Variants in CDYL2 observed in about 807,000 individuals in gnomAD.
The protein encoded by CDYL2 is chromodomain Y-like protein 2.
Under a neutral mutation model 49.4 loss-of-function variants are expected in CDYL2, and 23 were observed. That is an observed-to-expected ratio of 0.47 (90% CI 0.34 to 0.66). CDYL2 has a LOEUF of 0.66. Ranked by LOEUF, CDYL2 falls within the 30% of genes least tolerant of loss-of-function variation. The pLI, the probability that CDYL2 is intolerant of heterozygous loss-of-function variation, is 0.01. For synonymous variants in CDYL2, 360 were observed against 268.8 expected (o/e 1.34, Z -3.32); for missense variants, 678 against 656.4 (o/e 1.03, Z -0.36).
At chr16:80,638,024 A>C (rs1907916581) in intron 2 of CDYL2, among the ~76,000 whole-genome samples, 1 of 152,244 alleles carries the variant, frequency 6.6e-6, no homozygotes, top group South Asian at 2.1e-4. Flanking sequence ...TGATGAAACA[A>C]AGAAAATCTA....
At chr16:80,777,324 T>A (rs897744707) in intron 1 of CDYL2, among the ~76,000 whole-genome samples, 2 of 151,510 alleles carry the variant, frequency 1.3e-5, no homozygotes. Flanking sequence ...ATCTAGTTCA[T>A]AATTAAAAGT....
intron 1 of CDYL2, among the ~76,000 whole-genome samples, chr16:80,700,949 G>A (rs1204004772): frequency 6.6e-6 from 1 of 152,236 alleles, no homozygotes; most frequent in Non-Finnish European, 1.5e-5. Flanking sequence ...CTAAGAAACA[G>A]TTAAGCCTTC....
At chr16:80,698,605 C>G (rs1904286236) in intron 1 of CDYL2, among the ~76,000 whole-genome samples, 1 of 152,084 alleles carries the variant, frequency 6.6e-6, no homozygotes, top group African/African-American at 2.4e-5. Flanking sequence ...GGGCACAGTT[C>G]TCATGAATAA....
At chr16:80,688,866 CT>C (rs1283306827) in intron 1 of CDYL2, among the ~76,000 whole-genome samples, 2 of 152,156 alleles carry the variant, frequency 1.3e-5, no homozygotes, top group African/African-American at 4.8e-5. Context: ...CTCCTCCAAA[CT>C]TCCTGCACTG....
intron 1 of CDYL2, among the ~76,000 whole-genome samples, chr16:80,770,551 C>T (rs564032398): frequency 6.6e-6 from 1 of 151,468 alleles, no homozygotes; most frequent in Non-Finnish European, 1.5e-5. Flanking sequence ...TTTTCCTGCC[C>T]ACAAAAAAAA....
intron 1 of CDYL2, among the ~76,000 whole-genome samples, chr16:80,753,182 A>C (rs928420838): frequency 2.6e-5 from 4 of 152,154 alleles, no homozygotes; most frequent in Non-Finnish European, 2.9e-5. Context: ...ACACACATAA[A>C]TGGTCAATAA....
At position 80,608,170 on chromosome 16, in the gene CDYL2, C is replaced by A; in HGVS notation, c.1284G>T (p.Val428=). ...ACGTGGTGGGCCAGAAGACCTGCGACACCAGCCCCCTGCTGCAGGCCTCCT... is the reference window on the plus strand; with the variant it reads ...ACGTGGTGGGCCAGAAGACCTGCGAAACCAGCCCCCTGCTGCAGGCCTCCT... ...TAQEACSRGL[V]SQVFWPTTFS... is the part of the protein sequence containing the mutation. The change falls in exon 6 of 7, where the codon GTG becomes GTT. Residue 428 remains valine (V), a synonymous_variant. Coordinates refer to ENST00000570137, the MANE Select transcript of CDYL2 (RefSeq NM_152342.4). 1 of 1,604,206 alleles carries A rather than the reference C, an allele frequency of 6.2e-7. No individual in the cohort carries two copies.
chr16:80,777,377 G>C (rs960740483), intron 1 of CDYL2, among the ~76,000 whole-genome samples: 2 of 151,598 alleles, frequency 1.3e-5, no homozygotes, highest in Admixed American at 6.6e-5. Flanking sequence ...ATAAGTCAGA[G>C]AAACACTGAA....
At chr16:80,667,987 G>C (rs1190995696) in intron 2 of CDYL2, among the ~76,000 whole-genome samples, 1 of 152,240 alleles carries the variant, frequency 6.6e-6, no homozygotes, top group Non-Finnish European at 1.5e-5. Flanking sequence ...AGACACAAGT[G>C]GAAGGAACAT....
chr16:80,795,160 A>G (rs542192856), intron 1 of CDYL2, among the ~76,000 whole-genome samples: 1 of 152,328 alleles, frequency 6.6e-6, no homozygotes, highest in Admixed American at 6.5e-5. Context: ...TTCCCTGATC[A>G]AGAATTTGAG....
intron 4 of CDYL2, among the ~76,000 whole-genome samples, chr16:80,617,104 G>A (rs1429599842): frequency 6.6e-6 from 1 of 152,226 alleles, no homozygotes; most frequent in East Asian, 1.9e-4. Flanking sequence ...GATGGATCCT[G>A]GAGAGAGCCT....
chr16:80,740,378 T>C (rs1390427710), intron 1 of CDYL2, among the ~76,000 whole-genome samples: 1 of 152,142 alleles, frequency 6.6e-6, no homozygotes, highest in Non-Finnish European at 1.5e-5. Context: ...ACATATGTAT[T>C]TGAGAACCAT....
At chr16:80,652,856 C>G (rs1036873300) in intron 2 of CDYL2, among the ~76,000 whole-genome samples, 1 of 152,194 alleles carries the variant, frequency 6.6e-6, no homozygotes, top group Non-Finnish European at 1.5e-5. Context: ...CCAAGCAGCT[C>G]TCCTCAAAAC....
At chr16:80,692,998 T>C (rs1342264352) in intron 1 of CDYL2, among the ~76,000 whole-genome samples, 1 of 152,018 alleles carries the variant, frequency 6.6e-6, no homozygotes, top group Non-Finnish European at 1.5e-5. Flanking sequence ...TAAAAAGGAA[T>C]GACACACACA....
chr16:80,804,393 AGCG>A lies in CDYL2; in HGVS notation c.-223_-221del, dbSNP rs528498874. 350 of 178,050 alleles carry A rather than the reference AGCG, an allele frequency of 2.0e-3. 2 individuals carry two copies. Among genetic ancestry groups the A allele is most frequent in the African/African-American group, 4.0e-3 (163 of 40,694 alleles). The allele number at this position is 178,050 out of a possible 1,614,324, so 11.0% of individuals were successfully genotyped here. ...CGGCGGGGCTGGCGTAACCGGCAGC[AGCG>A]GCGGCGGCGGCGGCGGCGGCACGAG... On this transcript the variant is annotated 5_prime_UTR_variant, in exon 1 of 7. Coordinates refer to ENST00000570137, the MANE Select transcript of CDYL2 (RefSeq NM_152342.4).
intron 1 of CDYL2, among the ~76,000 whole-genome samples, chr16:80,796,370 C>A (rs569012290): frequency 1.1e-4 from 16 of 152,338 alleles, no homozygotes; most frequent in African/African-American, 3.8e-4. Flanking sequence ...GACTGAGTAA[C>A]TGGAGACTGG....
intron 2 of CDYL2, chr16:80,639,755 C>T (rs1264484472): frequency 2.2e-6 from 1 of 455,810 alleles, no homozygotes; most frequent in Non-Finnish European, 4.4e-6. Flanking sequence ...CACCTCTCTC[C>T]CCTCCCCCTG....
chr16:80,617,396 C>T (rs1906879285), intron 4 of CDYL2, among the ~76,000 whole-genome samples: 1 of 152,228 alleles, frequency 6.6e-6, no homozygotes, highest in African/African-American at 2.4e-5. Context: ...TCACAAGAGA[C>T]TTCTTGTAAG....
At chr16:80,731,330 T>C (rs74450625) in intron 1 of CDYL2, among the ~76,000 whole-genome samples, 3,031 of 150,572 alleles carry the variant, frequency 0.02, 27 homozygotes, top group African/African-American at 0.03. Context: ...TCAGAAGGAG[T>C]ACAGGAGAGG....
Sources: allele counts gnomAD v4.1 joint callset (sites outside exome capture counted in the v4.1 genomes callset), GRCh38; gene constraint gnomAD v4.1.1; transcripts MANE v1.5; gene names NCBI Gene and HGNC (gene_info 2026-07-23, HGNC 2026-07-21).